Variants in CPLANE1 observed in about 807,000 individuals in gnomAD.
CPLANE1 encodes ciliogenesis and planar polarity effector 1.
CPLANE1 carries 263 observed loss-of-function variants against 362.5 expected under a neutral mutation model. The ratio of observed to expected loss-of-function variants is 0.73; its 90% confidence interval spans 0.66 to 0.80. The LOEUF (loss-of-function observed/expected upper bound fraction) is 0.80. Ranked by LOEUF, CPLANE1 falls within the 30% of genes least tolerant of loss-of-function variation. The pLI is 0.00. For missense variants in CPLANE1, 3,461 were observed against 3,793.4 expected, an observed-to-expected ratio of 0.91 and a Z score of 2.30; for synonymous variants, 1,212 against 1,302.6, an observed-to-expected ratio of 0.93 and a Z score of 1.50.
At chr5:37,207,436 C>T (rs567316995) in intron 16 of CPLANE1, among the ~76,000 whole-genome samples, 32 of 152,288 alleles carry the variant, frequency 2.1e-4, no homozygotes, top group Non-Finnish European at 3.1e-4. Context: ...TTATTCACTA[C>T]GAGCAAGGTA....
In CPLANE1 at chr5:37,180,985, A is replaced by G. The variant is rs1580480000; in HGVS notation, c.5442T>C (p.Thr1814=). The G allele has an allele frequency of 6.2e-7, 1 of 1,613,892 alleles. No homozygotes were observed. The change falls in exon 27 of 53, where the codon ACT becomes ACC. Residue 1814 remains threonine, a synonymous_variant. Transcript: ENST00000651892. ...CAATATTGGGTCCAATCTGACACCC[A>G]GTGTCACGATTCTCTACCATCTAAA... ...AIIKMVENRD[T]GCQIGPNIER...
Position 37,220,721 on chromosome 5 carries a change from C to T in CPLANE1, c.2746+603G>A, listed in dbSNP as rs532918095. 3.3e-5 allele frequency among the ~76,000 whole-genome samples: 5 copies of T among 152,252 alleles called. No homozygotes were observed. The South Asian group carries it at 1.0e-3, about 32-fold the overall frequency. ...ATTTTTAGTAGAGAAGGGGTTTCAC[C>T]ATGTTAGCCAGGATCGTCTCATCTC... On this transcript the variant is annotated intron_variant, in intron 15 of 52. Coordinates refer to ENST00000651892, the MANE Select transcript of CPLANE1 (RefSeq NM_001384732.1).
chr5:37,175,710 C>T (rs186474126), intron 31 of CPLANE1, among the ~76,000 whole-genome samples, 199 bp downstream of exon 31: 103 of 152,258 alleles, frequency 6.8e-4, no homozygotes, highest in African/African-American at 2.5e-3. Context: ...AATACAATCG[C>T]TAGTGGAAAC....
At chr5:37,141,653 TA>T in intron 44 of CPLANE1, 1 of 982,138 alleles carries the variant, frequency 1.0e-6, no homozygotes, top group Non-Finnish European at 1.2e-6. Flanking sequence ...AAAATCATTT[TA>T]ATTGACCATC....
At position 37,170,250 on chromosome 5, in the gene CPLANE1, G is replaced by T. The variant is rs1561482936; in HGVS notation, c.6253C>A (p.Gln2085Lys). The change falls in exon 33 of 53, where the codon CAG (glutamine) becomes AAG (lysine). Residue 2085 changes from glutamine to lysine, a missense_variant. Around this residue, in one of 2 missense-constraint regions of CPLANE1, gnomAD observed 3,380 missense variants for 3,666.1 expected, o/e 0.92. Coordinates refer to ENST00000651892, the MANE Select transcript of CPLANE1 (RefSeq NM_001384732.1). ...ANLPDTQQLV[Q>K]QSQSVHLGES... ...CCTAAATGCACAGACTGAGACTGCT[G>T]TACAAGTTGTTGTGTATCTGGGAGA... The T allele has an allele frequency of 1.2e-6, 2 of 1,614,154 alleles. No individual in the cohort carries two copies. Among genetic ancestry groups the T allele is most frequent in the East Asian group, 2.2e-5 (1 of 44,886 alleles).
chr5:37,209,396 T>TG lies in CPLANE1; in HGVS notation c.2921-2972dup. ...CTCAGTCCAACATGCTCCCCGTGGC[T>TG]GATGTGTTGAGTCAAAATGAACTGC... On this transcript the variant is annotated intron_variant, in intron 16 of 52. Coordinates refer to ENST00000651892, the MANE Select transcript of CPLANE1 (RefSeq NM_001384732.1). This position sits in a 1 kb window ranked among gnomAD's most constrained non-coding sequence, Gnocchi z 4.6. 1 of 1,232,348 alleles carries TG rather than the reference T, an allele frequency of 8.1e-7. No homozygotes were observed. The allele number at this position is 1,232,348 out of a possible 1,614,324, so 76.3% of individuals were successfully genotyped here.
chr5:37,146,177 A>G (rs1771510006), intron 43 of CPLANE1, among the ~76,000 whole-genome samples: 1 of 150,110 alleles, frequency 6.7e-6, no homozygotes, highest in Non-Finnish European at 1.5e-5. Flanking sequence ...TGTAATAATT[A>G]AAAAGCTTTT....
chr5:37,135,366 C>T (rs1767349429), intron 46 of CPLANE1, among the ~76,000 whole-genome samples: 1 of 152,056 alleles, frequency 6.6e-6, no homozygotes, highest in Admixed American at 6.5e-5. Context: ...AGAGACACAC[C>T]TGAGATTGGA....
At chr5:37,152,477 A>T (rs189875706) in intron 42 of CPLANE1, among the ~76,000 whole-genome samples, 25 of 152,228 alleles carry the variant, frequency 1.6e-4, no homozygotes, top group African/African-American at 5.8e-4. Context: ...TCCTTTTGAT[A>T]TAAATTGTTC....
chr5:37,120,402 C>T, intron 49 of CPLANE1, 62 bp from the exon 50 acceptor site: 1 of 1,452,134 alleles, frequency 6.9e-7, no homozygotes, highest in Non-Finnish European at 9.2e-7. Flanking sequence ...TAAACTTTAA[C>T]ATTTCAAAAA....
rs978433854 is a variant in CPLANE1 at position 37,127,828 on chromosome 5, AATTT to A, written c.8793-2423_8793-2420del. Among the ~76,000 whole-genome samples, 9 of 151,850 alleles carry A rather than the reference AATTT, an allele frequency of 5.9e-5. No homozygotes were observed. The South Asian group carries it at 8.3e-4, about 14-fold the overall frequency. The stretch of plus-strand genomic sequence containing the variant: ...ACCGAGCCCAGCCATTATTTAATTA[AATTT>A]ATTTATTTATTTATTTATTTGTGTT... On this transcript the variant is annotated intron_variant, in intron 46 of 52. Transcript: ENST00000651892.
chr5:37,248,516 A>G (rs1275064737), intron 1 of CPLANE1, among the ~76,000 whole-genome samples: 2 of 150,694 alleles, frequency 1.3e-5, no homozygotes, highest in Admixed American at 6.6e-5. Context: ...AGATCTATCA[A>G]GATGCTAGCT....
chr5:37,242,058 A>C (rs191169456), intron 6 of CPLANE1, among the ~76,000 whole-genome samples: 3 of 152,356 alleles, frequency 2.0e-5, no homozygotes, highest in Admixed American at 2.0e-4. Context: ...ATTGTAAGAA[A>C]ATAATGCATA....
In CPLANE1 at chr5:37,106,944, T is replaced by C. The variant is rs1250646747; in HGVS notation, c.*658A>G. On this transcript the variant is annotated 3_prime_UTR_variant, in exon 53 of 53. Transcript: ENST00000651892. Reference sequence around the variant, plus strand: ...TACCATGGTTCTTACAAATTTAAGATGAGCCTTCTAGAGGCCGGAGTCATA... The same window carrying C: ...TACCATGGTTCTTACAAATTTAAGACGAGCCTTCTAGAGGCCGGAGTCATA... 2.0e-6 allele frequency: 2 copies of C among 985,330 alleles called. No homozygotes were observed. Among genetic ancestry groups the C allele is most frequent in the Non-Finnish European group, 2.4e-6 (2 of 829,930 alleles). The allele number at this position is 985,330 out of a possible 1,614,324, so 61.0% of individuals were successfully genotyped here.
chr5:37,205,549 C>G lies in CPLANE1; in HGVS notation c.3150-95G>C, dbSNP rs6878453. The G allele has an allele frequency of 0.017, 13,786 of 833,250 alleles. 942 individuals carry two copies. The African/African-American group carries it at 0.18, about 11-fold the overall frequency. The allele number at this position is 833,250 out of a possible 1,614,324, so 51.6% of individuals were successfully genotyped here. A position where few individuals can be genotyped will look rare whatever the true frequency, so the allele number is the denominator to read the frequency against. On this transcript the variant is annotated intron_variant, in intron 17 of 52. Coordinates refer to ENST00000651892, the MANE Select transcript of CPLANE1 (RefSeq NM_001384732.1). ...GGACTAAACATGAAAGTTTAAGAAA[C>G]AATGGAATTTACTTTTTTATCTATC...
Position 37,170,303 on chromosome 5 carries a change from A to C in CPLANE1, c.6200T>G (p.Met2067Arg), listed in dbSNP as rs756418851. The C allele has an allele frequency of 6.8e-6, 11 of 1,613,734 alleles. 1 individual carries two copies. The highest frequency in any genetic ancestry group is 9.3e-6 in the Non-Finnish European group (11 of 1,179,656). ...AGCAAAGGATGATCCTACTATTTGC[A>C]TTAGGCTCATGAAGTTGATCTGTTG... ...QLQQINFMSL[M>R]QIVGSSFANL... The change falls in exon 33 of 53, where the codon ATG (methionine) becomes AGG (arginine). Residue 2067 changes from methionine (M) to arginine (R), a missense_variant. By Grantham distance (91) the Met-to-Arg change is moderately conservative (BLOSUM62 -1). Transcript: ENST00000651892.
At chr5:37,203,923 C>A (rs946574686) in intron 18 of CPLANE1, among the ~76,000 whole-genome samples, 3 of 152,146 alleles carry the variant, frequency 2.0e-5, no homozygotes, top group Admixed American at 2.0e-4. Flanking sequence ...AAAAATGGAA[C>A]CCTTTGAATT....
intron 42 of CPLANE1, among the ~76,000 whole-genome samples, chr5:37,152,031 G>A (rs1427715171): frequency 1.3e-5 from 2 of 152,080 alleles, no homozygotes; most frequent in Admixed American, 6.5e-5. Flanking sequence ...TAAATGTTTG[G>A]ATTAAAGGTG....
Position 37,187,443 on chromosome 5 carries a change from G to C in CPLANE1, c.4051C>G (p.Leu1351Val). 1 of 1,612,558 alleles carries C rather than the reference G, an allele frequency of 6.2e-7. No individual in the cohort carries two copies. Among genetic ancestry groups the C allele is most frequent in the Non-Finnish European group, 8.5e-7 (1 of 1,179,514 alleles). Residue 1351 changes from leucine to valine, a missense_variant, in exon 23 of 53, where the codon CTT becomes GTT. Coordinates refer to ENST00000651892, the MANE Select transcript of CPLANE1 (RefSeq NM_001384732.1). ...EELIQDIILS[L>V]IGELPPIRKV... ...CTGATTGGTGGCAGTTCTCCAATAA[G>C]GCTCAAAATTATATCCTGAATAAGT...
Sources: allele counts gnomAD v4.1 joint callset (sites outside exome capture counted in the v4.1 genomes callset), GRCh38; gene constraint gnomAD v4.1.1; regional missense constraint gnomAD v4.1.1; non-coding constraint Gnocchi (gnomAD v3.1); transcripts MANE v1.5; gene names NCBI Gene and HGNC (gene_info 2026-07-23, HGNC 2026-07-21).